DYSF: variants seen among roughly 807,000 people sequenced by gnomAD.
The protein encoded by DYSF is dysferlin.
Under a neutral mutation model 274.9 loss-of-function variants are expected in DYSF, and 212 were observed. The observed-to-expected ratio is 0.77, with a 90% CI of 0.69 to 0.86. DYSF has a LOEUF of 0.86. Ranked by LOEUF, DYSF falls within the 40% of genes least tolerant of loss-of-function variation. The pLI is 0.00. For synonymous variants in DYSF, 1,091 were observed against 1,078.7 expected, an observed-to-expected ratio of 1.01 and a Z score of -0.22; for missense variants, 2,666 against 2,783.2, an observed-to-expected ratio of 0.96 and a Z score of 0.95.
chr2:71,495,392 T>C (rs2084280210), intron 3 of DYSF, among the ~76,000 whole-genome samples: 1 of 152,232 alleles, frequency 6.6e-6, no homozygotes, highest in African/African-American at 2.4e-5. Flanking sequence ...CTCTTATTGT[T>C]AAATCACTGA....
chr2:71,516,935 C>T (rs564949517), intron 9 of DYSF, 54 bp from the exon 10 acceptor site: 24 of 1,562,522 alleles, frequency 1.5e-5, no homozygotes, highest in Admixed American at 1.0e-4. Context: ...TTGGGTTGGC[C>T]GTGTGGGCCA....
upstream of DYSF, among the ~76,000 whole-genome samples, chr2:71,465,638 C>T (rs2081485890): frequency 6.6e-6 from 1 of 152,056 alleles, no homozygotes; most frequent in Non-Finnish European, 1.5e-5. Context: ...ATGCTGTATC[C>T]CTCAAAATAA....
At chr2:71,553,747 A>AGGCCCAAAC in intron 20 of DYSF, 60 bp from the exon 21 acceptor site, 1 of 872,684 alleles carries the variant, frequency 1.1e-6, no homozygotes, top group Non-Finnish European at 1.8e-6. Flanking sequence ...CACTCTTAGC[A>AGGCCCAAAC]CCCCATCCCA....
intron 34 of DYSF, among the ~76,000 whole-genome samples, 164 bp downstream of exon 34, chr2:71,601,006 G>A (rs532755957): frequency 3.3e-5 from 5 of 152,318 alleles, no homozygotes; most frequent in African/African-American, 1.2e-4. Context: ...ATAGAATTTG[G>A]GGATCAGGAA....
Position 71,564,079 on chromosome 2 carries a change from A to G in DYSF, c.2431A>G (p.Ile811Val). The G allele has an allele frequency of 1.9e-6, 3 of 1,614,196 alleles. No homozygotes were observed. Among genetic ancestry groups the G allele is most frequent in the Non-Finnish European group, 2.5e-6 (3 of 1,180,022 alleles). ...AEEPQNSLPDIVIWMLQGDKR... is the reference protein window; with the variant it reads ...AEEPQNSLPDVVIWMLQGDKR... Reference sequence around the variant, plus strand: ...TCAGCCCCAGAACAGCCTGCCGGACATCGTCATCTGGATGCTGCAGGGAGA... The same window carrying G: ...TCAGCCCCAGAACAGCCTGCCGGACGTCGTCATCTGGATGCTGCAGGGAGA... The change falls in exon 24 of 56, where the codon ATC (isoleucine) becomes GTC (valine). Residue 811 changes from isoleucine (I) to valine (V), a missense_variant. Coordinates refer to ENST00000410020, the MANE Select transcript of DYSF (RefSeq NM_001130987.2).
At chr2:71,484,188 G>A (rs984584977) in intron 3 of DYSF, among the ~76,000 whole-genome samples, 35 of 151,138 alleles carry the variant, frequency 2.3e-4, no homozygotes, top group Non-Finnish European at 4.1e-4. Flanking sequence ...TACTAGCTGG[G>A]ATTACAGGTG....
chr2:71,458,949 C>T (rs982315697), intron 1 of DYSF, among the ~76,000 whole-genome samples: 2 of 152,296 alleles, frequency 1.3e-5, no homozygotes, highest in African/African-American at 2.4e-5. Context: ...CCACTATGCA[C>T]GATTTCTCCC....
At position 71,488,685 on chromosome 2, in the gene DYSF, T is replaced by C. The variant is rs572108078; in HGVS notation, c.239+6715T>C. On this transcript the variant is annotated intron_variant, in intron 3 of 55. Transcript: ENST00000410020. ...CCCCAGCCTCTCTGCTTTAATCAAG[T>C]GTTATAGGAGGAGGTCTAGTCAGGA... 3.5e-4 allele frequency among the ~76,000 whole-genome samples: 53 copies of C among 152,228 alleles called. 1 individual carries two copies. Among genetic ancestry groups the C allele is most frequent in the Non-Finnish European group, 6.0e-4 (41 of 68,006 alleles).
upstream of DYSF, among the ~76,000 whole-genome samples, chr2:71,463,442 T>C (rs542243445): frequency 6.6e-5 from 10 of 152,284 alleles, no homozygotes; most frequent in Non-Finnish European, 1.5e-4. Context: ...GCCTGGGAGC[T>C]TGGGGCTCCC....
intron 18 of DYSF, 23 bp downstream of exon 18, chr2:71,551,179 A>G (rs1054715774): frequency 1.9e-6 from 3 of 1,610,668 alleles, no homozygotes; most frequent in East Asian, 2.2e-5. Context: ...GAGCCCTGGC[A>G]AGGGCAGGAT....
chr2:71,533,965 T>G (rs1462927746), intron 14 of DYSF, among the ~76,000 whole-genome samples: 1 of 152,218 alleles, frequency 6.6e-6, no homozygotes, highest in Non-Finnish European at 1.5e-5. Flanking sequence ...TGGTCTCTCT[T>G]CTTTCCTTAC....
intron 42 of DYSF, among the ~76,000 whole-genome samples, chr2:71,646,094 T>C (rs2094563934): frequency 6.6e-6 from 1 of 152,212 alleles, no homozygotes; most frequent in Non-Finnish European, 1.5e-5. Flanking sequence ...GAGACCTGGC[T>C]GCTCAGAGAT....
chr2:71,622,130 G>GTTTTTTTTTGT (rs1553390367), intron 41 of DYSF, among the ~76,000 whole-genome samples: 6 of 97,028 alleles, frequency 6.2e-5, no homozygotes, highest in Admixed American at 1.3e-4. Context: ...TGATTTCTTT[G>GTTTTTTTTTGT]TTTTTTTTTT....
At chr2:71,658,662 C>T (rs756048691) in intron 43 of DYSF, among the ~76,000 whole-genome samples, 5 of 152,126 alleles carry the variant, frequency 3.3e-5, no homozygotes, top group Admixed American at 1.3e-4. Context: ...GCAGAAACAC[C>T]TGATAAACCC....
rs547967671 is a variant in DYSF at position 71,585,791 on chromosome 2, C to G, written c.3403-3802C>G. Among the ~76,000 whole-genome samples, 40 of 152,188 alleles carry G rather than the reference C, an allele frequency of 2.6e-4. No homozygotes were observed. The South Asian group carries it at 3.9e-3, about 15-fold the overall frequency. On this transcript the variant is annotated intron_variant, in intron 30 of 55. Coordinates refer to ENST00000410020, the MANE Select transcript of DYSF (RefSeq NM_001130987.2). The stretch of plus-strand genomic sequence containing the variant: ...GGTGCACGCTGGGCACCTGGCTGGG[C>G]TCTCAGTGGGACAAGCAGATGGGTG...
chr2:71,681,954 T>C (rs748760716), intron 54 of DYSF, among the ~76,000 whole-genome samples: 1 of 152,180 alleles, frequency 6.6e-6, no homozygotes, highest in Non-Finnish European at 1.5e-5. Flanking sequence ...GAGACACCAG[T>C]GTGCAATCTG....
intron 17 of DYSF, among the ~76,000 whole-genome samples, chr2:71,545,906 T>C (rs2090430294): frequency 6.6e-6 from 1 of 152,242 alleles, no homozygotes; most frequent in African/African-American, 2.4e-5. Flanking sequence ...CCCAGCATGC[T>C]GCGGAAGGCA....
At chr2:71,594,856 A>G (rs1401542152) in intron 32 of DYSF, among the ~76,000 whole-genome samples, 1 of 152,164 alleles carries the variant, frequency 6.6e-6, no homozygotes, top group East Asian at 1.9e-4. Context: ...ATACTCCACT[A>G]TTAAGTAGCA....
intron 26 of DYSF, among the ~76,000 whole-genome samples, chr2:71,568,557 TA>T (rs201345885): frequency 1.3e-5 from 2 of 148,964 alleles, no homozygotes; most frequent in South Asian, 2.1e-4. Flanking sequence ...TTCTTTTCAT[TA>T]AAAAAATTTT....
Sources: allele counts gnomAD v4.1 joint callset (sites outside exome capture counted in the v4.1 genomes callset), GRCh38; gene constraint gnomAD v4.1.1; transcripts MANE v1.5; gene names NCBI Gene and HGNC (gene_info 2026-07-23, HGNC 2026-07-21).